Variants in ASAP1 observed in about 807,000 individuals in gnomAD.
The protein encoded by ASAP1 is arf-GAP with SH3 domain, ANK repeat and PH domain-containing protein 1.
ASAP1 carries 43 observed loss-of-function variants against 145.2 expected under a neutral mutation model. That is an observed-to-expected ratio of 0.30 (90% confidence interval 0.23 to 0.38). The LOEUF (loss-of-function observed/expected upper bound fraction) is 0.38. Among genes scored for constraint, ASAP1 ranks in the 10% least tolerant of loss-of-function variants. ASAP1 has a pLI of 1.00. For synonymous variants in ASAP1, 546 were observed against 515.5 expected (o/e 1.06, Z -0.80); for missense variants, 1,018 against 1,355.3 (o/e 0.75, Z 3.91).
chr8:130,375,277 C>T (rs1191867151), intron 2 of ASAP1, among the ~76,000 whole-genome samples: 1 of 151,984 alleles, frequency 6.6e-6, no homozygotes, highest in African/African-American at 2.4e-5. Context: ...GGTTAATATT[C>T]TATTGGCCAC....
rs1263666664 is a variant in ASAP1, at chr8:130,060,639, G to C, written c.3132C>G (p.Ser1044=). ...CTGGCAGAGTAGGCGTGAGGTCGTT[G>C]GAGTCTTCAGATGCTTGCTTTTGGA... ...DAIQKQASED[S]NDLTPTLPET... is the part of the protein sequence containing the mutation. Residue 1044 remains serine (S), a synonymous_variant, in exon 28 of 30, where the codon TCC becomes TCG. Coordinates refer to ENST00000518721, the MANE Select transcript of ASAP1 (RefSeq NM_018482.4). 1.2e-6 allele frequency: 2 copies of C among 1,614,038 alleles called. No homozygotes were observed. The highest frequency in any genetic ancestry group is 2.7e-5 in the African/African-American group (2 of 74,916).
intron 12 of ASAP1, among the ~76,000 whole-genome samples, chr8:130,156,559 A>G (rs2097658575): frequency 6.6e-6 from 1 of 152,232 alleles, no homozygotes; most frequent in Non-Finnish European, 1.5e-5. Context: ...GAAAAGAACA[A>G]AAGAACGAAG....
At chr8:130,332,227 C>A (rs551528359) in intron 3 of ASAP1, among the ~76,000 whole-genome samples, 2 of 152,314 alleles carry the variant, frequency 1.3e-5, no homozygotes, top group South Asian at 2.1e-4. Flanking sequence ...TGGTGCTTTT[C>A]AATGAAGATG....
chr8:130,442,683 C>G (rs1830526590), intron 1 of ASAP1, among the ~76,000 whole-genome samples: 1 of 152,132 alleles, frequency 6.6e-6, no homozygotes, highest in South Asian at 2.1e-4. Context: ...CGATGATGGT[C>G]TGCAGTTGAC....
At chr8:130,328,018 AG>A (rs888737934) in intron 3 of ASAP1, among the ~76,000 whole-genome samples, 14 of 151,578 alleles carry the variant, frequency 9.2e-5, no homozygotes, top group Admixed American at 4.6e-4. Context: ...CTTTTGCAAA[AG>A]AAAAATATAT....
chr8:130,297,799 AG>A (rs1049493228), intron 3 of ASAP1, among the ~76,000 whole-genome samples: 1 of 152,242 alleles, frequency 6.6e-6, no homozygotes, highest in Admixed American at 6.5e-5. Context: ...ATTGCCTTAA[AG>A]GAAGGGTGCA....
chr8:130,255,381 T>C (rs6996469), intron 3 of ASAP1, among the ~76,000 whole-genome samples: 29,290 of 152,162 alleles, frequency 0.19, 3,359 homozygotes, highest in East Asian at 0.44. Context: ...ATTTTCTCTA[T>C]GTACCTAATA....
chr8:130,291,828 T>G (rs143410177), intron 3 of ASAP1, among the ~76,000 whole-genome samples: 2 of 152,208 alleles, frequency 1.3e-5, no homozygotes, highest in African/African-American at 4.8e-5. Context: ...CTGTGGAAAC[T>G]TGACAACTCT....
At chr8:130,297,775 T>C (rs1363397385) in intron 3 of ASAP1, among the ~76,000 whole-genome samples, 1 of 152,234 alleles carries the variant, frequency 6.6e-6, no homozygotes, top group Middle Eastern at 3.2e-3. Context: ...ACACTGTTCC[T>C]TCTGGAGAGG....
At chr8:130,254,067 G>A (rs1161272583) in intron 3 of ASAP1, among the ~76,000 whole-genome samples, 1 of 152,014 alleles carries the variant, frequency 6.6e-6, no homozygotes, top group African/African-American at 2.4e-5. Flanking sequence ...TATACATACA[G>A]AATAATTCAA....
intron 10 of ASAP1, among the ~76,000 whole-genome samples, chr8:130,168,660 A>G (rs1163963266): frequency 1.3e-5 from 2 of 152,182 alleles, no homozygotes; most frequent in Non-Finnish European, 2.9e-5. Context: ...TTCAGAGTCA[A>G]TTTTTATCCT....
At chr8:130,332,466 T>C (rs941668329) in intron 3 of ASAP1, among the ~76,000 whole-genome samples, 8 of 152,234 alleles carry the variant, frequency 5.3e-5, no homozygotes, top group African/African-American at 1.9e-4. Flanking sequence ...TCATTATTTG[T>C]ACACTGTCAA....
At chr8:130,426,069 G>A (rs1325246173) in intron 1 of ASAP1, among the ~76,000 whole-genome samples, 1 of 152,192 alleles carries the variant, frequency 6.6e-6, no homozygotes, top group African/African-American at 2.4e-5. Flanking sequence ...CCCAGTGTCG[G>A]AGGAGGGGCC....
intron 16 of ASAP1, among the ~76,000 whole-genome samples, chr8:130,127,255 C>T (rs774655441): frequency 3.5e-4 from 54 of 152,258 alleles, no homozygotes; most frequent in Non-Finnish European, 6.9e-4. Context: ...CTCGCTCTGT[C>T]GCCCAGGCTA....
intron 3 of ASAP1, among the ~76,000 whole-genome samples, chr8:130,282,688 T>G (rs991514076): frequency 3.9e-5 from 6 of 152,178 alleles, no homozygotes; most frequent in Non-Finnish European, 8.8e-5. Context: ...GTATCCACAT[T>G]ATTGGGGAAA....
At chr8:130,302,274 G>T (rs1254073583) in intron 3 of ASAP1, among the ~76,000 whole-genome samples, 1 of 152,236 alleles carries the variant, frequency 6.6e-6, no homozygotes, top group African/African-American at 2.4e-5. Flanking sequence ...ATGGAAACCA[G>T]CCAGGGCTGC....
intron 1 of ASAP1, among the ~76,000 whole-genome samples, chr8:130,406,053 C>T (rs941206193): frequency 2.0e-5 from 3 of 152,130 alleles, no homozygotes; most frequent in Admixed American, 6.5e-5. Flanking sequence ...TATACTAAGG[C>T]GATTTCATTT....
intron 3 of ASAP1, among the ~76,000 whole-genome samples, chr8:130,268,886 G>C (rs956621038): frequency 6.6e-6 from 1 of 152,108 alleles, no homozygotes; most frequent in South Asian, 2.1e-4. Flanking sequence ...TTTTGCCAAT[G>C]TTAGCTTACA....
chr8:130,140,321 G>A (rs1052763438), intron 13 of ASAP1, among the ~76,000 whole-genome samples: 5 of 151,734 alleles, frequency 3.3e-5, no homozygotes, highest in Non-Finnish European at 7.4e-5. Flanking sequence ...GAGGCACCAT[G>A]CTGGCCTCAG....
Sources: gnomAD v4.1 joint callset for allele counts (sites outside exome capture counted in the v4.1 genomes callset) on GRCh38, gnomAD v4.1.1 for gene constraint, MANE v1.5 for transcripts, NCBI Gene and HGNC (gene_info 2026-07-23, HGNC 2026-07-21) for gene names.